The following MLLT3 variants were observed in gnomAD, a reference collection of about 807,000 sequenced individuals.
MLLT3 encodes protein AF-9.
MLLT3 carries 4 observed loss-of-function variants against 53.2 expected under a neutral mutation model. That is an observed-to-expected ratio of 0.08 (90% confidence interval 0.04 to 0.17). The LOEUF is 0.17. MLLT3 is among the 10% of genes least tolerant of loss of function. The pLI is 1.00. For missense variants in MLLT3, 569 were observed against 684.0 expected (o/e 0.83, Z 1.87); for synonymous variants, 283 against 230.6 (o/e 1.23, Z -2.06).
intron 3 of MLLT3, among the ~76,000 whole-genome samples, chr9:20,455,850 G>T (rs908511870): frequency 6.6e-6 from 1 of 150,966 alleles, no homozygotes; most frequent in African/African-American, 2.4e-5. Context: ...AATAAGGAAA[G>T]TAAGCCCCAC....
chr9:20,364,543 G>A (rs919745225), intron 6 of MLLT3, among the ~76,000 whole-genome samples: 3 of 152,196 alleles, frequency 2.0e-5, no homozygotes, highest in Non-Finnish European at 1.5e-5. Context: ...AGGGATATCT[G>A]AGCTATTACT....
intron 4 of MLLT3, among the ~76,000 whole-genome samples, chr9:20,440,006 T>C (rs980035329): frequency 6.6e-6 from 1 of 152,180 alleles, no homozygotes; most frequent in African/African-American, 2.4e-5. Flanking sequence ...CCTTTTACTT[T>C]CACCATTCCA....
intron 2 of MLLT3, among the ~76,000 whole-genome samples, chr9:20,509,798 C>T (rs1180120305): frequency 6.6e-6 from 1 of 151,970 alleles, no homozygotes; most frequent in Non-Finnish European, 1.5e-5. Flanking sequence ...TATATCCTGC[C>T]AAATGATTAA....
At chr9:20,586,323 GA>G (rs527322597) in intron 2 of MLLT3, among the ~76,000 whole-genome samples, 16 of 124,660 alleles carry the variant, frequency 1.3e-4, no homozygotes, top group South Asian at 2.5e-4. Context: ...CCATCTCAGA[GA>G]AAAAAAAAAG....
intron 4 of MLLT3, among the ~76,000 whole-genome samples, chr9:20,439,537 A>C (rs557160039): frequency 9.9e-5 from 15 of 152,256 alleles, no homozygotes; most frequent in African/African-American, 2.9e-4. Flanking sequence ...CTCAATGTTA[A>C]AATTTCTGGG....
chr9:20,446,502 T>C (rs2118843975), intron 4 of MLLT3, among the ~76,000 whole-genome samples: 1 of 152,296 alleles, frequency 6.6e-6, no homozygotes, highest in South Asian at 2.1e-4. Flanking sequence ...GTGGTTGCTT[T>C]AAAAAGTTCT....
chr9:20,554,843 C>G (rs1054509608), intron 2 of MLLT3, among the ~76,000 whole-genome samples: 4 of 152,092 alleles, frequency 2.6e-5, no homozygotes, highest in African/African-American at 7.2e-5. Context: ...ATTTTGTTAA[C>G]CAATAAAATG....
At position 20,447,041 on chromosome 9, in the gene MLLT3, C is replaced by G. The variant is rs367673187; in HGVS notation, c.420+1082G>C. On this transcript the variant is annotated intron_variant, in intron 4 of 10. Transcript: ENST00000380338. The stretch of plus-strand genomic sequence containing the variant: ...GTAAAAGGACAGCAGCCTAGCAAAA[C>G]AGAACTCAAAAAATGGGGTCCACAT... Among the ~76,000 whole-genome samples the G allele has an allele frequency of 8.5e-5, 13 of 152,180 alleles. 1 individual carries two copies. The highest frequency in any genetic ancestry group is 5.9e-4 in the Admixed American group (9 of 15,278).
At chr9:20,618,716 T>C (rs1820903799) in intron 2 of MLLT3, among the ~76,000 whole-genome samples, 1 of 152,140 alleles carries the variant, frequency 6.6e-6, no homozygotes, top group African/African-American at 2.4e-5. Context: ...AGGTGTGGCC[T>C]ATGTGAGCAG....
At chr9:20,462,278 A>C (rs1006724541) in intron 2 of MLLT3, among the ~76,000 whole-genome samples, 1 of 152,196 alleles carries the variant, frequency 6.6e-6, no homozygotes, top group African/African-American at 2.4e-5. Context: ...TAAAGAACAA[A>C]ATTTTAAAAA....
chr9:20,577,239 C>T (rs1352920486), intron 2 of MLLT3, among the ~76,000 whole-genome samples: 1 of 152,008 alleles, frequency 6.6e-6, no homozygotes, highest in East Asian at 1.9e-4. Flanking sequence ...GTATTGCTTC[C>T]CTCCTATTTT....
intron 4 of MLLT3, among the ~76,000 whole-genome samples, chr9:20,422,097 G>T (rs149369826): frequency 6.6e-6 from 1 of 152,220 alleles, no homozygotes; most frequent in East Asian, 1.9e-4. Context: ...TCAATGGGCA[G>T]AAGACTAAAA....
chr9:20,358,982 T>C (rs1282977471), intron 8 of MLLT3, among the ~76,000 whole-genome samples: 1 of 151,600 alleles, frequency 6.6e-6, no homozygotes, highest in African/African-American at 2.4e-5. Flanking sequence ...CCGTCTCTAC[T>C]AAAAATACAA....
At chr9:20,451,874 A>G (rs1255309604) in intron 3 of MLLT3, among the ~76,000 whole-genome samples, 1 of 152,170 alleles carries the variant, frequency 6.6e-6, no homozygotes, top group African/African-American at 2.4e-5. Flanking sequence ...GTTGGTTTAG[A>G]GTTTCTGAAA....
chr9:20,345,298 A>G lies in MLLT3; in HGVS notation c.*1145T>C, dbSNP rs555341542. 132 of 213,582 alleles carry G rather than the reference A, an allele frequency of 6.2e-4. No homozygotes were observed. The highest frequency in any genetic ancestry group is 9.8e-4 in the Non-Finnish European group (103 of 105,508). 13.2% of individuals were successfully genotyped at this position (213,582 alleles called of 1,614,324 possible). A position where few individuals can be genotyped will look rare whatever the true frequency, so the allele number is the denominator to read the frequency against. ...AATAACCAAGAATTTTTCCCCAAAGAAAGATTTTAATTTTTTCAAATATAA... is the reference window on the plus strand; with the variant it reads ...AATAACCAAGAATTTTTCCCCAAAGGAAGATTTTAATTTTTTCAAATATAA... On this transcript the variant is annotated 3_prime_UTR_variant, in exon 11 of 11. Coordinates refer to ENST00000380338, the MANE Select transcript of MLLT3 (RefSeq NM_004529.4).
intron 2 of MLLT3, among the ~76,000 whole-genome samples, chr9:20,608,827 G>C (rs1820632837): frequency 6.6e-6 from 1 of 151,856 alleles, no homozygotes; most frequent in African/African-American, 2.4e-5. Flanking sequence ...ACTTGAAAAA[G>C]CCAACGAATT....
At chr9:20,367,776 C>A (rs1278112043) in intron 5 of MLLT3, among the ~76,000 whole-genome samples, 1 of 152,126 alleles carries the variant, frequency 6.6e-6, no homozygotes, top group Admixed American at 6.6e-5. Context: ...AATTTGAGGA[C>A]AAACTAAGAG....
intron 2 of MLLT3, among the ~76,000 whole-genome samples, chr9:20,547,700 C>T (rs1818825246): frequency 1.3e-5 from 2 of 151,416 alleles, no homozygotes; most frequent in Non-Finnish European, 2.9e-5. Context: ...CCTGTAATTC[C>T]AGCACTTTCG....
chr9:20,406,668 A>G (rs1024131747), intron 5 of MLLT3, among the ~76,000 whole-genome samples: 2 of 152,126 alleles, frequency 1.3e-5, no homozygotes, highest in South Asian at 2.1e-4. Context: ...AGGGACCCAT[A>G]TATGTATTTT....
Sources: gnomAD v4.1 joint callset for allele counts (sites outside exome capture counted in the v4.1 genomes callset) on GRCh38, gnomAD v4.1.1 for gene constraint, MANE v1.5 for transcripts, NCBI Gene and HGNC (gene_info 2026-07-23, HGNC 2026-07-21) for gene names.